Variants in WHR1 observed in about 807,000 individuals in gnomAD.
WHR1 encodes the protein MHC class III HLA-RP1.
At chr6:31,977,476 G>A in the WHR1 span, among the ~76,000 whole-genome samples, 1 of 151,756 alleles carries the variant, frequency 6.6e-6, no homozygotes, top group Admixed American at 6.6e-5. Flanking sequence ...CGAGTAGCTG[G>A]GACTACAGGT....
chr6:31,971,769 C>T, the WHR1 span: 1 of 1,398,460 alleles, frequency 7.2e-7, no homozygotes, highest in Non-Finnish European at 9.5e-7. This position sits in a 1 kb window ranked among gnomAD's most constrained non-coding sequence, Gnocchi z 4.5. Context: ...GCCACCTGAT[C>T]GCCAGGCTCT....
the WHR1 span, chr6:31,971,241 C>A: frequency 1.3e-6 from 2 of 1,548,104 alleles, no homozygotes; most frequent in East Asian, 2.3e-5. The surrounding 1 kb of genome is among the most constrained non-coding windows in gnomAD (Gnocchi z 4.5). Context: ...AGGACTGATT[C>A]TCACCCCGGC....
At chr6:31,978,859 T>G in the WHR1 span, 1 of 1,593,626 alleles carries the variant, frequency 6.3e-7, no homozygotes, top group African/African-American at 1.3e-5. Flanking sequence ...GCAGAGCATC[T>G]TACCCTGATA....
chr6:31,971,476 A>T, the WHR1 span: 1 of 1,614,082 alleles, frequency 6.2e-7, no homozygotes, highest in Non-Finnish European at 8.5e-7. This position sits in a 1 kb window ranked among gnomAD's most constrained non-coding sequence, Gnocchi z 4.5. Flanking sequence ...ATAGTAGCGC[A>T]GGGCTCGGGC....
At chr6:31,974,832 T>C in the WHR1 span, among the ~76,000 whole-genome samples, 1 of 152,082 alleles carries the variant, frequency 6.6e-6, no homozygotes, top group Non-Finnish European at 1.5e-5. Context: ...AGAAGGTTAA[T>C]AGTGATCTTT....
chr6:31,971,283 G>A, the WHR1 span: 2 of 1,536,980 alleles, frequency 1.3e-6, no homozygotes, highest in South Asian at 1.3e-5. This position sits in a 1 kb window ranked among gnomAD's most constrained non-coding sequence, Gnocchi z 4.5. Flanking sequence ...GGGTAGGTAC[G>A]GGTCTCCAGA....
the WHR1 span, chr6:31,980,745 G>A: frequency 1.2e-6 from 2 of 1,606,754 alleles, no homozygotes; most frequent in Admixed American, 1.7e-5. Context: ...CTGTCGTGGT[G>A]CGGCTTGGCC....
At chr6:31,971,882 A>G in the WHR1 span, 1 of 1,462,680 alleles carries the variant, frequency 6.8e-7, no homozygotes, top group Non-Finnish European at 9.1e-7. The surrounding 1 kb of genome is among the most constrained non-coding windows in gnomAD (Gnocchi z 4.5). Context: ...CTCCAAATGC[A>G]GTGAGGTTAG....
the WHR1 span, among the ~76,000 whole-genome samples, chr6:31,977,403 C>G: frequency 1.4e-5 from 2 of 147,454 alleles, no homozygotes; most frequent in Admixed American, 6.8e-5. Context: ...AGTTCAGTGG[C>G]ATGATCTTGG....
At chr6:31,972,373 C>T in the WHR1 span, 9 of 1,612,946 alleles carry the variant, frequency 5.6e-6, no homozygotes, top group Non-Finnish European at 7.6e-6. This position sits in a 1 kb window ranked among gnomAD's most constrained non-coding sequence, Gnocchi z 6.3. Context: ...CTCTTCCCTC[C>T]ATTCCTACCC....
chr6:31,978,284 G>A, the WHR1 span, among the ~76,000 whole-genome samples: 1 of 151,492 alleles, frequency 6.6e-6, no homozygotes, highest in Non-Finnish European at 1.5e-5. Flanking sequence ...CTGCCCCCAC[G>A]CCTGGCTGTT....
At chr6:31,974,239 C>T in the WHR1 span, among the ~76,000 whole-genome samples, 60 of 148,530 alleles carry the variant, frequency 4.0e-4, no homozygotes, top group African/African-American at 1.3e-3. Flanking sequence ...GAGATAGCAC[C>T]GCTGCACCCC....
At chr6:31,979,836 A>G in the WHR1 span, 4 of 369,578 alleles carry the variant, frequency 1.1e-5, no homozygotes. Flanking sequence ...CTTGATGTTA[A>G]TCATACTGGG....
the WHR1 span, chr6:31,972,238 C>T: frequency 1.9e-6 from 3 of 1,613,096 alleles, no homozygotes; most frequent in Non-Finnish European, 8.5e-7. The surrounding 1 kb of genome is among the most constrained non-coding windows in gnomAD (Gnocchi z 6.3). Context: ...GCCACCGCCC[C>T]TCCCAGCACT....
chr6:31,973,066 C>G, the WHR1 span: 1 of 639,916 alleles, frequency 1.6e-6, no homozygotes, highest in Non-Finnish European at 2.9e-6. Flanking sequence ...TTGTTTCCAT[C>G]TTACACTGAG....
chr6:31,974,662 G>A, the WHR1 span, among the ~76,000 whole-genome samples: 3 of 152,202 alleles, frequency 2.0e-5, no homozygotes, highest in African/African-American at 7.2e-5. Context: ...GGAAGTTGAG[G>A]CAGAAGGAGT....
the WHR1 span, chr6:31,979,697 C>A: frequency 8.9e-7 from 1 of 1,122,616 alleles, no homozygotes; most frequent in Non-Finnish European, 1.2e-6. Context: ...ATAAAATGAC[C>A]CAAGTTTGTA....
At chr6:31,976,902 G>T in the WHR1 span, among the ~76,000 whole-genome samples, 1 of 152,358 alleles carries the variant, frequency 6.6e-6, no homozygotes, top group East Asian at 1.9e-4. Flanking sequence ...AAACCAGTCA[G>T]GCGTGGCGGC....
the WHR1 span, chr6:31,971,440 C>A: frequency 6.2e-6 from 10 of 1,613,408 alleles, no homozygotes; most frequent in Non-Finnish European, 8.5e-6. This position sits in a 1 kb window ranked among gnomAD's most constrained non-coding sequence, Gnocchi z 4.5. Context: ...AAAGTTGGGG[C>A]CTGGACCGTT....
Sources: gnomAD v4.1 joint callset for allele counts (sites outside exome capture counted in the v4.1 genomes callset) on GRCh38, gnomAD v4.1.1 for gene constraint, Gnocchi (gnomAD v3.1) non-coding constraint, MANE v1.5 for transcripts, NCBI Gene and HGNC (gene_info 2026-07-23, HGNC 2026-07-21) for gene names.